Variants in KIAA1549 observed in about 807,000 individuals in gnomAD.
KIAA1549 encodes the protein UPF0606 protein KIAA1549.
A neutral mutation model predicts 156.4 loss-of-function variants in KIAA1549; 70 were observed. The observed-to-expected ratio is 0.45, with a 90% CI of 0.37 to 0.55. The LOEUF is 0.55. KIAA1549 is among the 20% of genes least tolerant of loss of function. The pLI is 0.00. For synonymous variants in KIAA1549, 1,103 were observed against 1,066.4 expected, an observed-to-expected ratio of 1.03 and a Z score of -0.67; for missense variants, 2,428 against 2,540.9, an observed-to-expected ratio of 0.96 and a Z score of 0.96.
At chr7:138,964,455 C>T (rs1162864500) in intron 1 of KIAA1549, among the ~76,000 whole-genome samples, 2 of 152,170 alleles carry the variant, frequency 1.3e-5, no homozygotes, top group African/African-American at 4.8e-5. Context: ...CTTACAGTAC[C>T]TACCTCATGC....
intron 18 of KIAA1549, among the ~76,000 whole-genome samples, chr7:138,842,226 T>C (rs1809941723): frequency 1.3e-5 from 2 of 152,232 alleles, no homozygotes; most frequent in Admixed American, 6.5e-5. Flanking sequence ...TTTTGTATCC[T>C]GTGTTGTTCA....
chr7:138,911,524 A>T (rs1003504899), intron 3 of KIAA1549, among the ~76,000 whole-genome samples: 7 of 152,234 alleles, frequency 4.6e-5, no homozygotes, highest in Admixed American at 2.6e-4. Context: ...AAGAGCAGCA[A>T]GAAAGAACAG....
chr7:138,925,841 A>G (rs1321202363), intron 1 of KIAA1549, among the ~76,000 whole-genome samples: 1 of 143,216 alleles, frequency 7.0e-6, no homozygotes, highest in Non-Finnish European at 1.5e-5. Context: ...AAAAAAAAAA[A>G]AAAAAAAAAA....
chr7:138,929,741 A>G (rs1304842823), intron 1 of KIAA1549, among the ~76,000 whole-genome samples: 4 of 152,164 alleles, frequency 2.6e-5, no homozygotes, highest in Non-Finnish European at 5.9e-5. Flanking sequence ...CCAAGCTGGA[A>G]TACAATGGTA....
intron 10 of KIAA1549, among the ~76,000 whole-genome samples, chr7:138,881,830 G>A (rs1811253994): frequency 6.6e-6 from 1 of 152,246 alleles, no homozygotes; most frequent in Admixed American, 6.5e-5. Context: ...CACCTGACCT[G>A]CTATCACAGC....
Position 138,963,808 on chromosome 7 carries a change from C to T in KIAA1549, c.187+17275G>A, listed in dbSNP as rs1355270898. Among the ~76,000 whole-genome samples, 9 of 152,294 alleles carry T rather than the reference C, an allele frequency of 5.9e-5. No homozygotes were observed. The South Asian group carries it at 8.3e-4, about 14-fold the overall frequency. ...TAACGGAGGAGATGTATGACAACCACACACTTGGCTGTCAGAAACAAACAA... is the reference window on the plus strand; with the variant it reads ...TAACGGAGGAGATGTATGACAACCATACACTTGGCTGTCAGAAACAAACAA... On this transcript the variant is annotated intron_variant, in intron 1 of 19. Coordinates refer to ENST00000422774, the MANE Select transcript of KIAA1549 (RefSeq NM_001164665.2).
At chr7:138,896,208 C>G (rs909671393) in intron 9 of KIAA1549, among the ~76,000 whole-genome samples, 3 of 152,216 alleles carry the variant, frequency 2.0e-5, no homozygotes, top group Admixed American at 2.0e-4. Context: ...TGGGCAGGGA[C>G]TAAGTCTTAT....
chr7:138,957,359 A>G (rs1813695788), intron 1 of KIAA1549, among the ~76,000 whole-genome samples: 1 of 152,202 alleles, frequency 6.6e-6, no homozygotes, highest in African/African-American at 2.4e-5. Flanking sequence ...CCGAGGGCCC[A>G]GCAATAAGGG....
intron 1 of KIAA1549, among the ~76,000 whole-genome samples, chr7:138,931,104 C>T (rs780591073): frequency 1.3e-5 from 2 of 152,164 alleles, no homozygotes; most frequent in Non-Finnish European, 2.9e-5. Context: ...AGGACACGCA[C>T]ATTTATTAAG....
chr7:138,975,758 A>T (rs1324739219), intron 1 of KIAA1549, among the ~76,000 whole-genome samples: 1 of 152,246 alleles, frequency 6.6e-6, no homozygotes, highest in East Asian at 1.9e-4. Flanking sequence ...AAATTAGATC[A>T]GTTAGAACAG....
intron 1 of KIAA1549, among the ~76,000 whole-genome samples, chr7:138,923,585 G>A (rs111355559): frequency 0.026 from 3,859 of 151,156 alleles, 74 homozygotes; most frequent in Admixed American, 0.044. Context: ...GGGCAACAGA[G>A]CGAGACTCCA....
chr7:138,902,652 T>A (rs1390152920), intron 8 of KIAA1549, among the ~76,000 whole-genome samples: 1 of 152,050 alleles, frequency 6.6e-6, no homozygotes, highest in Non-Finnish European at 1.5e-5. Context: ...TAGGATAATA[T>A]GAGACAACCA....
intron 6 of KIAA1549, among the ~76,000 whole-genome samples, chr7:138,906,124 C>T (rs1489908269): frequency 6.6e-6 from 1 of 152,206 alleles, no homozygotes; most frequent in Non-Finnish European, 1.5e-5. Context: ...TCTGCAGACC[C>T]ATCTGGCCTG....
At chr7:138,875,442 C>T (rs1811055805) in intron 12 of KIAA1549, among the ~76,000 whole-genome samples, 1 of 151,982 alleles carries the variant, frequency 6.6e-6, no homozygotes, top group Non-Finnish European at 1.5e-5. Context: ...CCCAGGAGTT[C>T]AAAACCAGCC....
intron 13 of KIAA1549, among the ~76,000 whole-genome samples, chr7:138,870,410 T>C (rs1478064701): frequency 6.6e-6 from 1 of 152,218 alleles, no homozygotes; most frequent in Non-Finnish European, 1.5e-5. Context: ...AGACATCTGA[T>C]AACCAGAAAA....
At chr7:138,842,086 CA>C in intron 18 of KIAA1549, among the ~76,000 whole-genome samples, 1 of 152,322 alleles carries the variant, frequency 6.6e-6, no homozygotes, top group Middle Eastern at 3.4e-3. Context: ...GTTGTTTGAG[CA>C]AATCTTGCAA....
chr7:138,922,105 A>C (rs1311039933), intron 1 of KIAA1549, among the ~76,000 whole-genome samples: 1 of 152,186 alleles, frequency 6.6e-6, no homozygotes, highest in Non-Finnish European at 1.5e-5. Context: ...TGAGACAATC[A>C]ATTTCTGCTG....
intron 1 of KIAA1549, among the ~76,000 whole-genome samples, chr7:138,961,422 T>C (rs376122442): frequency 4.2e-4 from 64 of 152,126 alleles, no homozygotes; most frequent in African/African-American, 1.5e-3. Flanking sequence ...CTGAGAGAGC[T>C]GCTTTGGGAT....
At chr7:138,842,139 T>A (rs1422780034) in intron 18 of KIAA1549, among the ~76,000 whole-genome samples, 1 of 152,180 alleles carries the variant, frequency 6.6e-6, no homozygotes, top group Admixed American at 6.5e-5. Context: ...TTCCAAAGGC[T>A]CAACCAACTG....
Sources: allele counts gnomAD v4.1 joint callset (sites outside exome capture counted in the v4.1 genomes callset), GRCh38; gene constraint gnomAD v4.1.1; transcripts MANE v1.5; gene names NCBI Gene and HGNC (gene_info 2026-07-23, HGNC 2026-07-21).